MGMT: variants seen among roughly 807,000 people sequenced by gnomAD.
The protein encoded by MGMT is methylated-DNA--protein-cysteine methyltransferase.
Under a neutral mutation model 15.9 loss-of-function variants are expected in MGMT, and 14 were observed. The ratio of observed to expected loss-of-function variants is 0.88; its 90% CI spans 0.58 to 1.37. MGMT has a LOEUF of 1.37. MGMT is among the 40% of genes most tolerant of loss of function. The probability of loss-of-function intolerance (pLI) is 0.00; values close to 1 mark genes in which losing one functional copy is unlikely to be tolerated. For missense variants in MGMT, 282 were observed against 268.1 expected (o/e 1.05, Z -0.36); for synonymous variants, 130 against 118.2 (o/e 1.10, Z -0.65).
intron 2 of MGMT, among the ~76,000 whole-genome samples, chr10:129,567,899 T>C (rs1214994514): frequency 1.3e-5 from 2 of 152,198 alleles, no homozygotes; most frequent in Non-Finnish European, 2.9e-5. Flanking sequence ...ACATCTGTCA[T>C]TGAAATACCA....
At chr10:129,522,907 ATCT>A (rs1263939082) in intron 1 of MGMT, among the ~76,000 whole-genome samples, 1 of 152,230 alleles carries the variant, frequency 6.6e-6, no homozygotes, top group Non-Finnish European at 1.5e-5. Context: ...TTTCCGTCAG[ATCT>A]TCTTGTGTTC....
At chr10:129,607,265 C>G (rs1846903179) in intron 2 of MGMT, among the ~76,000 whole-genome samples, 1 of 151,458 alleles carries the variant, frequency 6.6e-6, no homozygotes, top group Admixed American at 6.6e-5. Flanking sequence ...GGAGGAATAT[C>G]CCGGGAAGAA....
At chr10:129,521,536 G>A (rs1054873532) in intron 1 of MGMT, among the ~76,000 whole-genome samples, 1 of 152,212 alleles carries the variant, frequency 6.6e-6, no homozygotes, top group Non-Finnish European at 1.5e-5. Context: ...CACAGCCGGG[G>A]CTAGATTCAA....
At chr10:129,650,485 C>T (rs1281796470) in intron 2 of MGMT, among the ~76,000 whole-genome samples, 1 of 152,088 alleles carries the variant, frequency 6.6e-6, no homozygotes, top group Non-Finnish European at 1.5e-5. Context: ...CAGATGCCTC[C>T]GAAGGTGCCG....
At chr10:129,535,346 G>A (rs569006982) in intron 1 of MGMT, among the ~76,000 whole-genome samples, 2 of 152,230 alleles carry the variant, frequency 1.3e-5, no homozygotes, top group South Asian at 2.1e-4. Flanking sequence ...CAGTGAGCTA[G>A]GATTGCACCG....
chr10:129,508,003 C>T (rs944476424), intron 1 of MGMT, among the ~76,000 whole-genome samples: 1 of 152,148 alleles, frequency 6.6e-6, no homozygotes, highest in African/African-American at 2.4e-5. Context: ...AGGTGACGCC[C>T]TTTGTTCTGT....
At chr10:129,482,145 T>C (rs140946886) in intron 1 of MGMT, among the ~76,000 whole-genome samples, 4 of 152,380 alleles carry the variant, frequency 2.6e-5, no homozygotes, top group African/African-American at 9.6e-5. Context: ...CCTTGTGGTT[T>C]CTTCTTTAAT....
chr10:129,721,209 A>C (rs1848367081), intron 3 of MGMT, among the ~76,000 whole-genome samples: 1 of 152,260 alleles, frequency 6.6e-6, no homozygotes, highest in Non-Finnish European at 1.5e-5. Flanking sequence ...CTGTCAGTAG[A>C]CATTTGGGTT....
chr10:129,682,730 G>A (rs10829616), intron 2 of MGMT, among the ~76,000 whole-genome samples: 70,222 of 152,072 alleles, frequency 0.46, 18,723 homozygotes, highest in African/African-American at 0.74. Flanking sequence ...TTTTGGTAAC[G>A]CATGATTATG....
At chr10:129,561,282 T>C (rs1186488130) in intron 2 of MGMT, among the ~76,000 whole-genome samples, 1 of 152,146 alleles carries the variant, frequency 6.6e-6, no homozygotes, top group Admixed American at 6.5e-5. Context: ...TGGGATTCGC[T>C]CTGTGGGTGC....
At chr10:129,706,893 G>A (rs1848169666) in intron 2 of MGMT, among the ~76,000 whole-genome samples, 1 of 152,102 alleles carries the variant, frequency 6.6e-6, no homozygotes, top group Non-Finnish European at 1.5e-5. Flanking sequence ...AACAGAAGCA[G>A]CCACAAAACA....
At chr10:129,739,662 C>T (rs1848607872) in intron 3 of MGMT, among the ~76,000 whole-genome samples, 1 of 152,102 alleles carries the variant, frequency 6.6e-6, no homozygotes, top group South Asian at 2.1e-4. Flanking sequence ...CAGGTCAGAA[C>T]CCCTATACCA....
intron 2 of MGMT, among the ~76,000 whole-genome samples, chr10:129,594,990 C>G (rs534597669): frequency 7.2e-5 from 11 of 152,200 alleles, no homozygotes; most frequent in South Asian, 2.1e-4. Context: ...GCCGGAGCAG[C>G]GCCCCACGTC....
intron 2 of MGMT, among the ~76,000 whole-genome samples, chr10:129,631,480 T>C (rs1262842721): frequency 6.6e-6 from 1 of 152,228 alleles, no homozygotes; most frequent in Non-Finnish European, 1.5e-5. Context: ...TATAATTTTT[T>C]GAGATTATAA....
chr10:129,693,862 C>T (rs11597322), intron 2 of MGMT: 53,969 of 151,946 alleles, frequency 0.36, 10,342 homozygotes, highest in Non-Finnish European at 0.43. Context: ...GACATCATGC[C>T]GCTGCACTGC....
In MGMT at chr10:129,536,325, G is replaced by C; in HGVS notation, c.73G>C (p.Glu25Gln). Residue 25 changes from glutamate to glutamine, a missense_variant, in exon 2 of 5, where the codon GAG (glutamate) becomes CAG (glutamine). Glu to Gln is a conservative substitution (Grantham distance 29, BLOSUM62 2). Transcript: ENST00000651593. ...GGGGAAGCTGGAGCTGTCTGGTTGT[G>C]AGCAGGGTCTGCACGAAATAAAGCT... ...PLGKLELSGCEQGLHEIKLLG... is the reference protein window; with the variant it reads ...PLGKLELSGCQQGLHEIKLLG... The C allele has an allele frequency of 6.2e-7, 1 of 1,614,168 alleles. No individual in the cohort carries two copies. The highest frequency in any genetic ancestry group is 8.5e-7 in the Non-Finnish European group (1 of 1,180,038).
chr10:129,673,231 T>C (rs762145773), intron 2 of MGMT, among the ~76,000 whole-genome samples: 12 of 152,158 alleles, frequency 7.9e-5, no homozygotes, highest in Non-Finnish European at 1.6e-4. Context: ...TGTCGCTGTC[T>C]GCTCTTAGAA....
chr10:129,714,708 C>G (rs769013640), intron 3 of MGMT, among the ~76,000 whole-genome samples: 4 of 152,150 alleles, frequency 2.6e-5, no homozygotes, highest in Non-Finnish European at 4.4e-5. Context: ...CTCTACTAAG[C>G]CTAACATTCC....
intron 2 of MGMT, among the ~76,000 whole-genome samples, chr10:129,591,183 A>G (rs1247137676): frequency 6.6e-6 from 1 of 152,208 alleles, no homozygotes; most frequent in Non-Finnish European, 1.5e-5. Flanking sequence ...TGGGACGGGC[A>G]TGATGAGTGG....
Sources: allele counts gnomAD v4.1 joint callset (sites outside exome capture counted in the v4.1 genomes callset), GRCh38; gene constraint gnomAD v4.1.1; transcripts MANE v1.5; gene names NCBI Gene and HGNC (gene_info 2026-07-23, HGNC 2026-07-21).